EYS: variants seen among roughly 807,000 people sequenced by gnomAD.
EYS encodes protein eyes shut homolog.
A neutral mutation model predicts 282.1 loss-of-function variants in EYS; 250 were observed. That is an observed-to-expected ratio of 0.89 (90% confidence interval 0.80 to 0.98). EYS has a LOEUF of 0.98. Among genes scored for constraint, EYS ranks in the 50% least tolerant of loss-of-function variants. EYS has a pLI of 0.00. For missense variants in EYS, 4,016 were observed against 3,709.0 expected (o/e 1.08, Z -2.15); for synonymous variants, 1,355 against 1,282.9 (o/e 1.06, Z -1.20).
intron 29 of EYS, among the ~76,000 whole-genome samples, chr6:64,321,096 T>A (rs1770205160): frequency 6.6e-6 from 1 of 151,778 alleles, no homozygotes; most frequent in African/African-American, 2.4e-5. Context: ...TATTGTTGTG[T>A]ATTACCTTTT....
chr6:64,205,545 C>A (rs1188875214), intron 31 of EYS, among the ~76,000 whole-genome samples: 2 of 152,132 alleles, frequency 1.3e-5, no homozygotes, highest in African/African-American at 4.8e-5. Flanking sequence ...AACCAGAACA[C>A]ATAATCTAGA....
intron 5 of EYS, among the ~76,000 whole-genome samples, chr6:65,450,308 C>CTGA (rs1764355203): frequency 2.0e-5 from 3 of 152,056 alleles, no homozygotes; most frequent in African/African-American, 7.2e-5. Flanking sequence ...ATAAATGTAA[C>CTGA]TTTATCCTAG....
chr6:64,980,754 T>C (rs1276818602), intron 14 of EYS, among the ~76,000 whole-genome samples: 1 of 151,414 alleles, frequency 6.6e-6, no homozygotes, highest in African/African-American at 2.4e-5. Flanking sequence ...TCTAGTTTTA[T>C]AAAACTAATG....
intron 1 of EYS, among the ~76,000 whole-genome samples, chr6:65,705,071 T>A (rs1010688875): frequency 6.6e-6 from 1 of 152,202 alleles, no homozygotes; most frequent in African/African-American, 2.4e-5. Flanking sequence ...TTTATTTATA[T>A]CAGTTGGGCT....
intron 22 of EYS, among the ~76,000 whole-genome samples, chr6:64,726,829 G>T (rs1020515389): frequency 6.6e-6 from 1 of 152,050 alleles, no homozygotes; most frequent in Non-Finnish European, 1.5e-5. Context: ...ATAAGACAGG[G>T]CTCCATAGAA....
Position 64,284,590 on chromosome 6 carries a change from C to T in EYS, c.6191+22380G>A, listed in dbSNP as rs1768429425. ...CAGTAGGGACTCTGTGTGGGGGCTC[C>T]AACCCCACATTTCCCTTCTTCATTG... On this transcript the variant is annotated intron_variant, in intron 30 of 42. Transcript: ENST00000503581. Among the ~76,000 whole-genome samples the T allele has an allele frequency of 2.0e-5, 3 of 152,132 alleles. No homozygotes were observed. In the South Asian group the frequency reaches 6.2e-4, roughly 32 times the overall value.
chr6:65,646,364 T>C (rs1271365918), intron 1 of EYS, among the ~76,000 whole-genome samples: 1 of 152,056 alleles, frequency 6.6e-6, no homozygotes, highest in Non-Finnish European at 1.5e-5. Flanking sequence ...GCAGGGATGG[T>C]TTAATATCTG....
intron 34 of EYS, among the ~76,000 whole-genome samples, chr6:63,993,220 C>T (rs1359933106): frequency 6.6e-6 from 1 of 151,618 alleles, no homozygotes; most frequent in Non-Finnish European, 1.5e-5. Context: ...TGGTGAACAC[C>T]TAAAGCTTTT....
At chr6:65,046,696 A>G (rs1773112321) in intron 13 of EYS, among the ~76,000 whole-genome samples, 1 of 151,936 alleles carries the variant, frequency 6.6e-6, no homozygotes, top group Non-Finnish European at 1.5e-5. Context: ...TGAAATAGAC[A>G]CTATCACCAG....
chr6:64,700,323 C>A (rs905909970), intron 22 of EYS, among the ~76,000 whole-genome samples: 1 of 151,994 alleles, frequency 6.6e-6, no homozygotes, highest in Admixed American at 6.6e-5. Context: ...AGAACTGGAA[C>A]AAGACAAAGA....
chr6:65,240,180 G>A (rs1414542974), intron 12 of EYS, among the ~76,000 whole-genome samples: 3 of 152,078 alleles, frequency 2.0e-5, no homozygotes, highest in Non-Finnish European at 4.4e-5. Flanking sequence ...ATGTTAGTCA[G>A]GATGGTCTTG....
chr6:63,755,909 T>C (rs1354584159), intron 41 of EYS, among the ~76,000 whole-genome samples: 1 of 152,136 alleles, frequency 6.6e-6, no homozygotes, highest in Non-Finnish European at 1.5e-5. Context: ...TGAATGGGAG[T>C]TCACTCATGA....
At chr6:64,478,705 A>G (rs993944939) in intron 26 of EYS, among the ~76,000 whole-genome samples, 3 of 151,046 alleles carry the variant, frequency 2.0e-5, no homozygotes, top group South Asian at 2.1e-4. Flanking sequence ...CAACATTACA[A>G]TCCCAATTTA....
chr6:64,659,789 C>A (rs1768922776), intron 22 of EYS, among the ~76,000 whole-genome samples: 1 of 152,046 alleles, frequency 6.6e-6, no homozygotes, highest in Non-Finnish European at 1.5e-5. Flanking sequence ...GGATTCACAG[C>A]CGAATTCTAC....
At chr6:64,357,586 G>A (rs1771866475) in intron 29 of EYS, among the ~76,000 whole-genome samples, 1 of 151,488 alleles carries the variant, frequency 6.6e-6, no homozygotes, top group African/African-American at 2.4e-5. Flanking sequence ...ACGAAATTTT[G>A]AAAGCCTGTT....
intron 41 of EYS, among the ~76,000 whole-genome samples, chr6:63,751,463 A>C (rs1769338868): frequency 1.3e-5 from 2 of 152,210 alleles, no homozygotes; most frequent in South Asian, 4.1e-4. Context: ...GGATAAGTGC[A>C]TATGATTTTA....
In EYS at chr6:65,177,720, C is replaced by T. The variant is rs1400652333; in HGVS notation, c.2023+118143G>A. Among the ~76,000 whole-genome samples the T allele has an allele frequency of 3.3e-5, 5 of 151,638 alleles. No individual in the cohort carries two copies. In the South Asian group the frequency reaches 1.0e-3, roughly 32 times the overall value. ...ATGAACAATTTTTTTTTCATGTTGG[C>T]AAATTTTATACATAATCTACATAGA... On this transcript the variant is annotated intron_variant, in intron 12 of 42. Coordinates refer to ENST00000503581, the MANE Select transcript of EYS (RefSeq NM_001142800.2).
intron 14 of EYS, among the ~76,000 whole-genome samples, chr6:64,950,035 T>C (rs989241357): frequency 1.3e-5 from 2 of 151,926 alleles, no homozygotes; most frequent in Admixed American, 6.6e-5. Context: ...CATCAATACA[T>C]TACTTATTTT....
At chr6:63,952,274 G>A (rs9444401) in intron 35 of EYS, among the ~76,000 whole-genome samples, 3,499 of 152,254 alleles carry the variant, frequency 0.023, 122 homozygotes, top group African/African-American at 0.08. Context: ...ACTGGAAATC[G>A]GACTATCCAA....
Sources: allele counts gnomAD v4.1 joint callset (sites outside exome capture counted in the v4.1 genomes callset), GRCh38; gene constraint gnomAD v4.1.1; transcripts MANE v1.5; gene names NCBI Gene and HGNC (gene_info 2026-07-23, HGNC 2026-07-21).